AMMECR1L: variants seen among roughly 807,000 people sequenced by gnomAD.
AMMECR1L encodes the protein AMMECR1-like protein.
Under a neutral mutation model 36.8 loss-of-function variants are expected in AMMECR1L, and 4 were observed. That is an observed-to-expected ratio of 0.11 (90% CI 0.05 to 0.25). The LOEUF is 0.25. Ranked by LOEUF, AMMECR1L falls within the 10% of genes least tolerant of loss-of-function variation. AMMECR1L has a pLI of 1.00. For synonymous variants in AMMECR1L, 147 were observed against 148.0 expected, an observed-to-expected ratio of 0.99 and a Z score of 0.05; for missense variants, 232 against 392.1, an observed-to-expected ratio of 0.59 and a Z score of 3.45.
In AMMECR1L at chr2:127,871,034, T is replaced by C. The variant is rs1690941371; in HGVS notation, c.519-106A>G. 2.1e-6 allele frequency: 2 copies of C among 969,850 alleles called. No individual in the cohort carries two copies. The highest frequency in any genetic ancestry group is 5.3e-5 in the Admixed American group (2 of 37,970). 60.1% of individuals were successfully genotyped at this position (969,850 alleles called of 1,614,324 possible). On this transcript the variant is annotated intron_variant, in intron 4 of 7. Transcript: ENST00000272647. The surrounding 1 kb of genome is among the most constrained non-coding windows in gnomAD (Gnocchi z 4.3). Reference sequence around the variant, plus strand: ...TGAATCTTGAGCTATGCAGAGAGTATCTATTGTTCATCAACACTAACATGT... The same window carrying C: ...TGAATCTTGAGCTATGCAGAGAGTACCTATTGTTCATCAACACTAACATGT...
At position 127,869,633 on chromosome 2, in the gene AMMECR1L, C is replaced by T. The variant is rs1027112499; in HGVS notation, c.634-89G>A. On this transcript the variant is annotated intron_variant, in intron 5 of 7. Transcript: ENST00000272647. This position sits in a 1 kb window ranked among gnomAD's most constrained non-coding sequence, Gnocchi z 4.7. ...CATATAAATCAACATTGTTCCCTGA[C>T]CAGCTTAACACAGGCCTGGAAAAGG... 1.8e-6 allele frequency: 2 copies of T among 1,115,784 alleles called. No individual in the cohort carries two copies. The highest frequency in any genetic ancestry group is 2.5e-5 in the South Asian group (2 of 79,038). The allele number at this position is 1,115,784 out of a possible 1,614,324, so 69.1% of individuals were successfully genotyped here.
Position 127,862,514 on chromosome 2 carries a change from A to C in AMMECR1L, c.*2580T>G, listed in dbSNP as rs1278759814. ...TGAGAGCCACCTGCTACACACTTTC[A>C]TGAGGCGACCGTGACCGTACACTTC... On this transcript the variant is annotated 3_prime_UTR_variant, in exon 8 of 8. Coordinates refer to ENST00000272647, the MANE Select transcript of AMMECR1L (RefSeq NM_001199140.2). 6.5e-6 allele frequency: 1 copy of C among 153,610 alleles called. No homozygotes were observed. The highest frequency in any genetic ancestry group is 6.5e-5 in the Admixed American group (1 of 15,270). 9.5% of individuals were successfully genotyped at this position (153,610 alleles called of 1,614,324 possible). A position where few individuals can be genotyped will look rare whatever the true frequency, so the allele number is the denominator to read the frequency against.
chr2:127,885,789 G>A, intron 1 of AMMECR1L, 21 bp downstream of exon 1: 1 of 984,814 alleles, frequency 1.0e-6, no homozygotes, highest in Non-Finnish European at 1.2e-6. Flanking sequence ...AGAAGGGTGC[G>A]GCGCAGCCCG....
At chr2:127,867,474 T>C (rs1168052143) in intron 6 of AMMECR1L, among the ~76,000 whole-genome samples, 3 of 152,204 alleles carry the variant, frequency 2.0e-5, no homozygotes, top group Non-Finnish European at 4.4e-5. Context: ...TGGCTGGGTG[T>C]GGTGGCTCAC....
At chr2:127,876,383 G>A (rs573177175) in intron 2 of AMMECR1L, among the ~76,000 whole-genome samples, 11 of 151,414 alleles carry the variant, frequency 7.3e-5, no homozygotes, top group African/African-American at 1.9e-4. Flanking sequence ...GTAGGGGGGC[G>A]GTGCGGTGTG....
rs759926398 is a variant in AMMECR1L, at chr2:127,874,054, G to A, written c.181C>T (p.Arg61Trp). The A allele has an allele frequency of 1.9e-5, 30 of 1,614,046 alleles. No individual in the cohort carries two copies. The highest frequency in any genetic ancestry group is 3.3e-5 in the Admixed American group (2 of 60,002). The change falls in exon 3 of 8, where the codon CGG (arginine) becomes TGG (tryptophan). Residue 61 changes from arginine to tryptophan, a missense_variant. Around this residue, in one of 3 missense-constraint regions of AMMECR1L, gnomAD observed 109 missense variants for 128.1 expected, o/e 0.85. Transcript: ENST00000272647. This position sits in a 1 kb window ranked among gnomAD's most constrained non-coding sequence, Gnocchi z 5.2. The part of the protein sequence containing the change: ...NHQHVDSSSG[R>W]ENVSDLTLGP... ...AGAGTTAAGTCTGACACATTCTCCC[G>A]TCCACTGCTGCTGTCCACATGCTGG...
intron 3 of AMMECR1L, among the ~76,000 whole-genome samples, chr2:127,872,601 T>C (rs1321266242): frequency 6.6e-6 from 1 of 152,130 alleles, no homozygotes; most frequent in African/African-American, 2.4e-5. Context: ...AGCTGTCCCA[T>C]CTAGCCATCT....
chr2:127,875,785 TTC>T (rs34912743), intron 2 of AMMECR1L, among the ~76,000 whole-genome samples: 6 of 123,660 alleles, frequency 4.9e-5, no homozygotes, highest in Non-Finnish European at 5.3e-5. Context: ...CCCTCTCCTC[TTC>T]TCTCTCTCTC....
At chr2:127,883,335 T>C (rs952533924) in intron 2 of AMMECR1L, among the ~76,000 whole-genome samples, 1 of 152,142 alleles carries the variant, frequency 6.6e-6, no homozygotes, top group African/African-American at 2.4e-5. Context: ...GACCTCGTTA[T>C]CCACCTGCCT....
intron 6 of AMMECR1L, among the ~76,000 whole-genome samples, chr2:127,868,374 A>T (rs1274600221): frequency 6.6e-6 from 1 of 152,198 alleles, no homozygotes; most frequent in Admixed American, 6.5e-5. Flanking sequence ...TAGGTTTATG[A>T]CCTAAAAGAG....
Position 127,863,448 on chromosome 2 carries a change from T to C in AMMECR1L, c.*1646A>G, listed in dbSNP as rs1690550054. The C allele has an allele frequency of 6.6e-6, 1 of 152,306 alleles. No individual in the cohort carries two copies. 9.4% of individuals were successfully genotyped at this position (152,306 alleles called of 1,614,324 possible). The stretch of plus-strand genomic sequence containing the variant: ...CCCTTGCCCATCCCTTCCCACAAAC[T>C]TGCCAGCGATGCCTAGAACAGCACA... On this transcript the variant is annotated 3_prime_UTR_variant, in exon 8 of 8. Transcript: ENST00000272647.
Position 127,862,960 on chromosome 2 carries a change from C to T in AMMECR1L, c.*2134G>A, listed in dbSNP as rs912665623. On this transcript the variant is annotated 3_prime_UTR_variant, in exon 8 of 8. Coordinates refer to ENST00000272647, the MANE Select transcript of AMMECR1L (RefSeq NM_001199140.2). ...GGGCAACATTTCTACAAGAAAAAAT[C>T]GGCTTGAGGAGCATGGCACTGTAAA... 1 of 152,582 alleles carries T rather than the reference C, an allele frequency of 6.6e-6. No homozygotes were observed. Among genetic ancestry groups the T allele is most frequent in the Non-Finnish European group, 1.5e-5 (1 of 68,042 alleles). 9.5% of individuals were successfully genotyped at this position (152,582 alleles called of 1,614,324 possible).
chr2:127,878,010 G>A (rs918834027), intron 2 of AMMECR1L, among the ~76,000 whole-genome samples: 1 of 152,154 alleles, frequency 6.6e-6, no homozygotes, highest in Non-Finnish European at 1.5e-5. Flanking sequence ...AGTGAGCCAT[G>A]TTTGTACCAC....
chr2:127,867,385 C>G (rs1466701977), intron 6 of AMMECR1L: 1 of 827,662 alleles, frequency 1.2e-6, no homozygotes, highest in Non-Finnish European at 1.5e-6. Flanking sequence ...ACTTATATTC[C>G]TTTGTGTGAT....
intron 7 of AMMECR1L, among the ~76,000 whole-genome samples, chr2:127,866,279 T>C (rs1351749181): frequency 6.6e-6 from 1 of 152,140 alleles, no homozygotes; most frequent in Non-Finnish European, 1.5e-5. Flanking sequence ...AAATTTTCCA[T>C]ACATTACCTT....
In AMMECR1L at chr2:127,862,515, T is replaced by C. The variant is rs781597872; in HGVS notation, c.*2579A>G. The C allele has an allele frequency of 2.0e-5, 3 of 153,660 alleles. No homozygotes were observed. The highest frequency in any genetic ancestry group is 4.4e-5 in the Non-Finnish European group (3 of 68,130). The allele number at this position is 153,660 out of a possible 1,614,324, so 9.5% of individuals were successfully genotyped here. A position where few individuals can be genotyped will look rare whatever the true frequency, so the allele number is the denominator to read the frequency against. On this transcript the variant is annotated 3_prime_UTR_variant, in exon 8 of 8. Transcript: ENST00000272647. Reference sequence around the variant, plus strand: ...GAGAGCCACCTGCTACACACTTTCATGAGGCGACCGTGACCGTACACTTCT... The same window carrying C: ...GAGAGCCACCTGCTACACACTTTCACGAGGCGACCGTGACCGTACACTTCT...
chr2:127,878,544 C>T lies in AMMECR1L; in HGVS notation c.-38-4272G>A, dbSNP rs1241690710. Among the ~76,000 whole-genome samples the T allele has an allele frequency of 2.6e-5, 4 of 152,240 alleles. No individual in the cohort carries two copies. In the East Asian group the frequency reaches 5.8e-4, roughly 22 times the overall value. On this transcript the variant is annotated intron_variant, in intron 2 of 7. Transcript: ENST00000272647. ...TCAGACATTCTCTTCCAGGTGGTATCAGCCACCTGACTGGTGAAACACTCC... is the reference window on the plus strand; with the variant it reads ...TCAGACATTCTCTTCCAGGTGGTATTAGCCACCTGACTGGTGAAACACTCC...
intron 5 of AMMECR1L, 132 bp downstream of exon 5, chr2:127,870,682 C>T (rs1690925073): frequency 3.1e-6 from 2 of 645,036 alleles, no homozygotes; most frequent in Admixed American, 6.4e-5. Context: ...ACCTATGTTG[C>T]CCACAATTGG....
In AMMECR1L at chr2:127,865,974, G is replaced by A. The variant is rs1690668112; in HGVS notation, c.822-769C>T. Among the ~76,000 whole-genome samples the A allele has an allele frequency of 6.6e-6, 1 of 152,074 alleles. No individual in the cohort carries two copies. Among genetic ancestry groups the A allele is most frequent in the Non-Finnish European group, 1.5e-5 (1 of 68,006 alleles). On this transcript the variant is annotated intron_variant, in intron 7 of 7. Coordinates refer to ENST00000272647, the MANE Select transcript of AMMECR1L (RefSeq NM_001199140.2). This position sits in a 1 kb window ranked among gnomAD's most constrained non-coding sequence, Gnocchi z 5.4. ...GGTGATTATTCCTGAATTTTGACAG[G>A]GAAATGGCTGTTCAAATAAATTATA...
Sources: allele counts gnomAD v4.1 joint callset (sites outside exome capture counted in the v4.1 genomes callset), GRCh38; gene constraint gnomAD v4.1.1; regional missense constraint gnomAD v4.1.1; non-coding constraint Gnocchi (gnomAD v3.1); transcripts MANE v1.5; gene names NCBI Gene and HGNC (gene_info 2026-07-23, HGNC 2026-07-21).